Variants in PDE3A observed in about 807,000 individuals in gnomAD.
PDE3A encodes the protein cGMP-inhibited 3',5'-cyclic phosphodiesterase 3A.
Under a neutral mutation model 98.3 loss-of-function variants are expected in PDE3A, and 43 were observed. The ratio of observed to expected loss-of-function variants is 0.44; its 90% confidence interval spans 0.34 to 0.56. The LOEUF (loss-of-function observed/expected upper bound fraction) is 0.56. PDE3A is among the 20% of genes least tolerant of loss of function. The pLI, the probability that PDE3A is intolerant of heterozygous loss-of-function variation, is 0.01. For missense variants in PDE3A, 1,427 were observed against 1,440.7 expected, an observed-to-expected ratio of 0.99 and a Z score of 0.15; for synonymous variants, 663 against 567.9, an observed-to-expected ratio of 1.17 and a Z score of -2.38.
At chr12:20,376,548 C>A (rs537676498) in intron 1 of PDE3A, among the ~76,000 whole-genome samples, 1 of 151,924 alleles carries the variant, frequency 6.6e-6, no homozygotes, top group South Asian at 2.1e-4. Flanking sequence ...AAATGAATAT[C>A]AGTTGCACTG....
At chr12:20,432,317 G>C (rs1944711365) in intron 1 of PDE3A, among the ~76,000 whole-genome samples, 1 of 152,158 alleles carries the variant, frequency 6.6e-6, no homozygotes, top group Middle Eastern at 3.2e-3. Flanking sequence ...GGTGAAATGG[G>C]GAGGTGTTAG....
intron 1 of PDE3A, among the ~76,000 whole-genome samples, chr12:20,487,661 A>T (rs540691939): frequency 9.5e-5 from 12 of 125,812 alleles, no homozygotes; most frequent in South Asian, 7.3e-4. Flanking sequence ...TTAAGAAAAA[A>T]AAATAAATAA....
chr12:20,386,049 T>TATAAATATATAAA (rs1249961883), intron 1 of PDE3A, among the ~76,000 whole-genome samples: 2 of 49,288 alleles, frequency 4.1e-5, no homozygotes, highest in Non-Finnish European at 7.4e-5. Flanking sequence ...AAAATATATA[T>TATAAATATATAAA]AAATATATAT....
intron 5 of PDE3A, among the ~76,000 whole-genome samples, chr12:20,626,217 T>C (rs1343882672): frequency 1.3e-5 from 2 of 148,412 alleles, no homozygotes; most frequent in African/African-American, 5.3e-5. Context: ...ATTTATAGTT[T>C]ATCCTTTCTA....
intron 1 of PDE3A, among the ~76,000 whole-genome samples, chr12:20,459,930 G>C (rs1945218348): frequency 6.6e-6 from 1 of 152,206 alleles, no homozygotes; most frequent in Non-Finnish European, 1.5e-5. Flanking sequence ...CCATGAAATA[G>C]TGTTTGATAC....
At chr12:20,540,955 T>G (rs1941883998) in intron 1 of PDE3A, among the ~76,000 whole-genome samples, 1 of 151,916 alleles carries the variant, frequency 6.6e-6, no homozygotes, top group African/African-American at 2.4e-5. Flanking sequence ...TATACTTTCT[T>G]TAAGACCCTC....
At chr12:20,665,284 A>G (rs772517022) in intron 15 of PDE3A, among the ~76,000 whole-genome samples, 3 of 152,236 alleles carry the variant, frequency 2.0e-5, no homozygotes, top group Non-Finnish European at 4.4e-5. Context: ...ATAAATAGAT[A>G]AGGAATTTAG....
chr12:20,601,671 T>G (rs74066212), intron 2 of PDE3A, among the ~76,000 whole-genome samples: 17,271 of 152,160 alleles, frequency 0.11, 999 homozygotes, highest in East Asian at 0.17. Context: ...AATTATGTAA[T>G]TGTAATTTCA....
intron 1 of PDE3A, among the ~76,000 whole-genome samples, chr12:20,415,691 C>T (rs1944411217): frequency 6.6e-6 from 1 of 152,180 alleles, no homozygotes; most frequent in Non-Finnish European, 1.5e-5. Flanking sequence ...CCCGCCTCGG[C>T]CTCCCAGAGT....
chr12:20,474,838 C>A (rs1442589382), intron 1 of PDE3A, among the ~76,000 whole-genome samples: 1 of 152,160 alleles, frequency 6.6e-6, no homozygotes, highest in African/African-American at 2.4e-5. Context: ...ATCTCAAAAT[C>A]CTTAATTTAG....
intron 1 of PDE3A, among the ~76,000 whole-genome samples, chr12:20,512,345 C>T (rs916015746): frequency 1.3e-5 from 2 of 151,910 alleles, no homozygotes; most frequent in Non-Finnish European, 2.9e-5. Context: ...GTTTAAAAAA[C>T]AAAAAATCCG....
chr12:20,451,127 A>C (rs1945056853), intron 1 of PDE3A, among the ~76,000 whole-genome samples: 1 of 152,220 alleles, frequency 6.6e-6, no homozygotes, highest in Non-Finnish European at 1.5e-5. Flanking sequence ...TGCCTTGATC[A>C]CTTGCAAAAG....
intron 2 of PDE3A, among the ~76,000 whole-genome samples, chr12:20,571,535 A>G (rs1383816346): frequency 6.6e-6 from 1 of 152,112 alleles, no homozygotes. Context: ...CTTGAATCCT[A>G]CATTCTGATT....
At chr12:20,580,207 T>C (rs1234830217) in intron 2 of PDE3A, among the ~76,000 whole-genome samples, 1 of 152,188 alleles carries the variant, frequency 6.6e-6, no homozygotes, top group Non-Finnish European at 1.5e-5. Flanking sequence ...GTTTAAATAA[T>C]TTCATGACTT....
At chr12:20,515,126 T>C (rs1946293507) in intron 1 of PDE3A, among the ~76,000 whole-genome samples, 1 of 152,218 alleles carries the variant, frequency 6.6e-6, no homozygotes, top group Non-Finnish European at 1.5e-5. Flanking sequence ...ACTCTTCAAA[T>C]TACTACATCT....
At chr12:20,571,191 T>A (rs1433589520) in intron 2 of PDE3A, among the ~76,000 whole-genome samples, 1 of 152,172 alleles carries the variant, frequency 6.6e-6, no homozygotes, top group Non-Finnish European at 1.5e-5. Flanking sequence ...GAGCTTATAT[T>A]GTAAACTGAT....
chr12:20,674,605 T>C (rs1224847837), intron 15 of PDE3A, among the ~76,000 whole-genome samples: 1 of 152,138 alleles, frequency 6.6e-6, no homozygotes, highest in African/African-American at 2.4e-5. Flanking sequence ...TTGTTGGGAG[T>C]CTTTATTGCT....
chr12:20,589,168 C>T (rs1293570709), intron 2 of PDE3A, among the ~76,000 whole-genome samples: 1 of 152,004 alleles, frequency 6.6e-6, no homozygotes, highest in Non-Finnish European at 1.5e-5. Context: ...TCTTGATCCA[C>T]CTGCCTCGGC....
rs1276922807 is a variant in PDE3A, at chr12:20,630,099, A to G, written c.1732A>G (p.Ile578Val). The change falls in exon 6 of 16, where the codon ATC (isoleucine) becomes GTC (valine). Residue 578 changes from isoleucine (I) to valine (V), a missense_variant. Ile to Val is a conservative substitution (Grantham distance 29). Transcript: ENST00000359062. Reference sequence around the variant, plus strand: ...GAGTGCCCCAGACCTATCCCCTCAAATCCTGACTCCACCTGTTATATGTAG... The same window carrying G: ...GAGTGCCCCAGACCTATCCCCTCAAGTCCTGACTCCACCTGTTATATGTAG... ...TQSAPDLSPQ[I>V]LTPPVICSSC... The G allele has an allele frequency of 6.2e-7, 1 of 1,611,938 alleles. No individual in the cohort carries two copies. Among genetic ancestry groups the G allele is most frequent in the Admixed American group, 1.7e-5 (1 of 59,978 alleles).
Sources: gnomAD v4.1 joint callset for allele counts (sites outside exome capture counted in the v4.1 genomes callset) on GRCh38, gnomAD v4.1.1 for gene constraint, MANE v1.5 for transcripts, NCBI Gene and HGNC (gene_info 2026-07-23, HGNC 2026-07-21) for gene names.